JARID2: variants seen among roughly 807,000 people sequenced by gnomAD.
JARID2 encodes jumonji and AT-rich interaction domain containing 2.
A neutral mutation model predicts 125.6 loss-of-function variants in JARID2; 21 were observed. The ratio of observed to expected loss-of-function variants is 0.17; its 90% confidence interval spans 0.12 to 0.24. The LOEUF (loss-of-function observed/expected upper bound fraction) is 0.24. Ranked by LOEUF, JARID2 falls within the 10% of genes least tolerant of loss-of-function variation. JARID2 has a pLI of 1.00. For missense variants in JARID2, 1,303 were observed against 1,639.6 expected, an observed-to-expected ratio of 0.79 and a Z score of 3.55; for synonymous variants, 736 against 661.6, an observed-to-expected ratio of 1.11 and a Z score of -1.73.
chr6:15,434,103 G>T (rs529174864), intron 3 of JARID2, among the ~76,000 whole-genome samples: 2 of 151,848 alleles, frequency 1.3e-5, no homozygotes, highest in Admixed American at 1.3e-4. Context: ...AGGTACCTCC[G>T]TAAGTCTGTC....
intron 1 of JARID2, among the ~76,000 whole-genome samples, chr6:15,251,239 C>T (rs1465108532): frequency 6.6e-6 from 1 of 152,210 alleles, no homozygotes; most frequent in Non-Finnish European, 1.5e-5. Flanking sequence ...TGGTCTTGAA[C>T]TCCTGACCTC....
chr6:15,485,090 C>T (rs1769802899), intron 5 of JARID2, among the ~76,000 whole-genome samples: 1 of 152,152 alleles, frequency 6.6e-6, no homozygotes, highest in Non-Finnish European at 1.5e-5. Flanking sequence ...GAATAAATGC[C>T]AGCCATTTGA....
At chr6:15,277,683 G>C (rs975074918) in intron 1 of JARID2, among the ~76,000 whole-genome samples, 1 of 151,720 alleles carries the variant, frequency 6.6e-6, no homozygotes, top group South Asian at 2.1e-4. Context: ...TGTTACTGAA[G>C]CATTAGATTG....
intron 17 of JARID2, among the ~76,000 whole-genome samples, chr6:15,519,524 A>G (rs1305560252): frequency 6.6e-6 from 1 of 152,036 alleles, no homozygotes. Context: ...ACTCCTCCCC[A>G]TGTTGTTTTT....
chr6:15,289,374 A>G (rs1422063784), intron 1 of JARID2, among the ~76,000 whole-genome samples: 5 of 152,180 alleles, frequency 3.3e-5, no homozygotes, highest in Non-Finnish European at 5.9e-5. Context: ...CATAAAGCCA[A>G]TTCTTCTATT....
intron 2 of JARID2, among the ~76,000 whole-genome samples, chr6:15,408,366 A>G (rs113780451): frequency 1.4e-4 from 21 of 151,416 alleles, no homozygotes; most frequent in African/African-American, 4.9e-4. Context: ...TTTTATTTTC[A>G]GTTTTCTCTA....
At chr6:15,473,049 C>CGTAA (rs3841759) in intron 5 of JARID2, among the ~76,000 whole-genome samples, 134,151 of 151,916 alleles carry the variant, frequency 0.88, 59,334 homozygotes, top group African/African-American at 0.94. Context: ...TGTGAATACC[C>CGTAA]GTGTTAGGAA....
rs1168659808 is a variant in JARID2 at position 15,480,852 on chromosome 6, A to G, written c.671-6455A>G. Reference sequence around the variant, plus strand: ...AGTCTGTGCATGGAGTGAGGGTATTAAAAACCTTGCGATCAGTTTCTCATA... The same window carrying G: ...AGTCTGTGCATGGAGTGAGGGTATTGAAAACCTTGCGATCAGTTTCTCATA... On this transcript the variant is annotated intron_variant, in intron 5 of 17. Transcript: ENST00000341776. 4.6e-5 allele frequency among the ~76,000 whole-genome samples: 7 copies of G among 152,194 alleles called. No individual in the cohort carries two copies. The East Asian group carries it at 1.3e-3, about 29-fold the overall frequency.
chr6:15,475,093 C>A (rs906097180), intron 5 of JARID2, among the ~76,000 whole-genome samples: 1 of 152,172 alleles, frequency 6.6e-6, no homozygotes, highest in African/African-American at 2.4e-5. Context: ...GCTAAAAGTT[C>A]TTTCCTGCAA....
intron 1 of JARID2, among the ~76,000 whole-genome samples, chr6:15,327,453 T>C (rs774154467): frequency 1.8e-4 from 28 of 152,010 alleles, no homozygotes; most frequent in Non-Finnish European, 1.6e-4. Flanking sequence ...GAGGGGGAGA[T>C]CTGATGATGG....
intron 1 of JARID2, among the ~76,000 whole-genome samples, chr6:15,258,574 G>A (rs1170541045): frequency 6.6e-6 from 1 of 152,180 alleles, no homozygotes; most frequent in African/African-American, 2.4e-5. Flanking sequence ...ACAAGGTCAG[G>A]AGTTTGAGGC....
intron 3 of JARID2, among the ~76,000 whole-genome samples, chr6:15,419,862 T>C (rs895591190): frequency 6.6e-6 from 1 of 152,168 alleles, no homozygotes; most frequent in Admixed American, 6.5e-5. Flanking sequence ...TTCCAGAGTT[T>C]GAGATTCATT....
chr6:15,318,872 C>T (rs963333554), intron 1 of JARID2, among the ~76,000 whole-genome samples: 1 of 152,164 alleles, frequency 6.6e-6, no homozygotes, highest in African/African-American at 2.4e-5. Context: ...GGGAAGAGGG[C>T]TGGAGCCAGA....
chr6:15,307,471 T>G (rs1761872887), intron 1 of JARID2, among the ~76,000 whole-genome samples: 1 of 152,112 alleles, frequency 6.6e-6, no homozygotes, highest in African/African-American at 2.4e-5. Context: ...TTCCTGCCTG[T>G]GACTCCCAAA....
chr6:15,430,418 G>T (rs116732647), intron 3 of JARID2, among the ~76,000 whole-genome samples: 10 of 152,292 alleles, frequency 6.6e-5, no homozygotes, highest in African/African-American at 2.2e-4. Context: ...CAAGAACCAT[G>T]CTTGATACTG....
chr6:15,508,583 G>T, intron 12 of JARID2, 129 bp downstream of exon 12: 1 of 637,906 alleles, frequency 1.6e-6, no homozygotes, highest in South Asian at 1.8e-5. Context: ...CTGTGTTCAG[G>T]CCTGTCCTGC....
chr6:15,496,224 C>A lies in JARID2; in HGVS notation c.999C>A (p.Ser333=). 6.2e-7 allele frequency: 1 copy of A among 1,614,086 alleles called. No homozygotes were observed. The highest frequency in any genetic ancestry group is 8.5e-7 in the Non-Finnish European group (1 of 1,180,008). Residue 333 remains serine (S), a synonymous_variant, in exon 7 of 18, where the codon TCC becomes TCA. Transcript: ENST00000341776. ...TGCGCGAGGTCAGACCTTCACCATC[C>A]AAAACTGTGAAGTACACTGCCACGG... ...KKMREVRPSP[S]KTVKYTATVT... is the part of the protein sequence containing the mutation.
intron 3 of JARID2, among the ~76,000 whole-genome samples, chr6:15,416,646 C>T (rs545618757): frequency 5.2e-4 from 77 of 148,846 alleles, no homozygotes; most frequent in African/African-American, 1.7e-3. Context: ...CAGTACAGTC[C>T]AGCTTCGGCT....
At position 15,383,083 on chromosome 6, in the gene JARID2, C is replaced by T. The variant is rs143706462; in HGVS notation, c.181+8831C>T. On this transcript the variant is annotated intron_variant, in intron 2 of 17. Transcript: ENST00000341776. Reference sequence around the variant, plus strand: ...CTCTAGTTGGGCCTGTTTGCTACAGCCTATTTGCTTTTGCCAGTTTTTATA... The same window carrying T: ...CTCTAGTTGGGCCTGTTTGCTACAGTCTATTTGCTTTTGCCAGTTTTTATA... Among the ~76,000 whole-genome samples, 101 of 152,118 alleles carry T rather than the reference C, an allele frequency of 6.6e-4. 1 individual carries two copies. The highest frequency in any genetic ancestry group is 2.4e-3 in the African/African-American group (99 of 41,484).
Sources: allele counts gnomAD v4.1 joint callset (sites outside exome capture counted in the v4.1 genomes callset), GRCh38; gene constraint gnomAD v4.1.1; transcripts MANE v1.5; gene names NCBI Gene and HGNC (gene_info 2026-07-23, HGNC 2026-07-21).